CCDC18: variants seen among roughly 807,000 people sequenced by gnomAD.
CCDC18 encodes the protein coiled-coil domain-containing protein 18.
In CCDC18, 157 loss-of-function variants were observed where a neutral mutation model predicts 196.0. That is an observed-to-expected ratio of 0.80 (90% CI 0.70 to 0.91). The LOEUF is 0.91. CCDC18 is among the 40% of genes least tolerant of loss of function. The pLI, the probability that CCDC18 is intolerant of heterozygous loss-of-function variation, is 0.00. For synonymous variants in CCDC18, 482 were observed against 529.2 expected, an observed-to-expected ratio of 0.91 and a Z score of 1.22; for missense variants, 1,465 against 1,611.6, an observed-to-expected ratio of 0.91 and a Z score of 1.56.
chr1:93,201,700 T>C (rs1653863715), intron 6 of CCDC18, among the ~76,000 whole-genome samples, 192 bp from the exon 7 acceptor site: 1 of 151,848 alleles, frequency 6.6e-6, no homozygotes, highest in Non-Finnish European at 1.5e-5. Context: ...TTTTTCATAT[T>C]GATAGAGTGA....
intron 25 of CCDC18, among the ~76,000 whole-genome samples, chr1:93,257,311 C>T (rs1663146824): frequency 6.7e-6 from 1 of 148,492 alleles, no homozygotes; most frequent in Non-Finnish European, 1.5e-5. Context: ...TTTAGGAAAC[C>T]TGTAGTTCAA....
chr1:93,234,934 A>AGTGTGTGTGTGT (rs759186009), intron 18 of CCDC18, among the ~76,000 whole-genome samples: 2,583 of 67,738 alleles, frequency 0.038, 68 homozygotes, highest in South Asian at 0.079. Flanking sequence ...TGCCCAGCTA[A>AGTGTGTGTGTGT]GAGTGTGTGT....
In CCDC18 at chr1:93,207,330, T is replaced by C. The variant is rs767616812; in HGVS notation, c.1141T>C (p.Cys381Arg). 9.3e-6 allele frequency: 15 copies of C among 1,613,056 alleles called. No homozygotes were observed. The highest frequency in any genetic ancestry group is 1.3e-5 in the African/African-American group (1 of 74,886). The change falls in exon 9 of 29, where the codon TGT becomes CGT. Residue 381 changes from cysteine to arginine, a missense_variant. Cys to Arg is a radical substitution (Grantham distance 180). Coordinates refer to ENST00000690025, the MANE Select transcript of CCDC18 (RefSeq NM_001378204.1). ...AGCACAGAATGAGCGACTAGATTTATGTCAACAAGAAATTGAAAGTTCAAG... is the reference window on the plus strand; with the variant it reads ...AGCACAGAATGAGCGACTAGATTTACGTCAACAAGAAATTGAAAGTTCAAG... ...VAAQNERLDLCQQEIESSRVE... is the reference protein window; with the variant it reads ...VAAQNERLDLRQQEIESSRVE...
chr1:93,225,516 C>T (rs1205415976), intron 16 of CCDC18, among the ~76,000 whole-genome samples: 1 of 152,176 alleles, frequency 6.6e-6, no homozygotes, highest in Non-Finnish European at 1.5e-5. Context: ...GTGGCTCACA[C>T]CTGTAATCCC....
intron 1 of CCDC18, 126 bp downstream of exon 1, chr1:93,180,978 C>T (rs978003528): frequency 1.1e-5 from 10 of 927,214 alleles, no homozygotes; most frequent in African/African-American, 5.0e-5. Flanking sequence ...GACTGGTCCT[C>T]GTGGTTGCTG....
intron 27 of CCDC18, among the ~76,000 whole-genome samples, chr1:93,269,461 T>TAAAA (rs35716144): frequency 7.9e-6 from 1 of 126,588 alleles, no homozygotes; most frequent in African/African-American, 2.9e-5. Flanking sequence ...GATGAAGTAG[T>TAAAA]AAAAAAAAAA....
chr1:93,231,091 C>T (rs1446788489), intron 17 of CCDC18, among the ~76,000 whole-genome samples: 1 of 152,208 alleles, frequency 6.6e-6, no homozygotes, highest in African/African-American at 2.4e-5. Flanking sequence ...CAGAGCTTCT[C>T]ATAATGAGCA....
At chr1:93,184,271 C>A in intron 3 of CCDC18, 125 bp downstream of exon 3, 1 of 330,272 alleles carries the variant, frequency 3.0e-6, no homozygotes, top group Non-Finnish European at 5.3e-6. Context: ...ATACCTTATT[C>A]ATGGTTTCCA....
intron 11 of CCDC18, among the ~76,000 whole-genome samples, chr1:93,214,436 A>G (rs897981315): frequency 6.6e-6 from 1 of 152,208 alleles, no homozygotes; most frequent in African/African-American, 2.4e-5. Flanking sequence ...AATTTTTACA[A>G]TGATTTCTAT....
At chr1:93,208,584 C>T (rs1012813426) in intron 9 of CCDC18, among the ~76,000 whole-genome samples, 3 of 152,064 alleles carry the variant, frequency 2.0e-5, no homozygotes, top group African/African-American at 7.2e-5. Context: ...CGTGAGCCAC[C>T]ATGCCTGGCC....
chr1:93,207,444 G>A, intron 9 of CCDC18, 46 bp downstream of exon 9: 3 of 1,401,084 alleles, frequency 2.1e-6, no homozygotes, highest in Non-Finnish European at 2.9e-6. Context: ...TTTTACTAAA[G>A]TGTTTTAGAA....
At chr1:93,265,072 C>T (rs1664318284) in intron 27 of CCDC18, 171 bp downstream of exon 27, 9 of 553,188 alleles carry the variant, frequency 1.6e-5, no homozygotes, top group South Asian at 1.4e-4. Context: ...AGATGATGTA[C>T]ATCTTATTAC....
Position 93,246,343 on chromosome 1 carries a change from G to A in CCDC18, c.3081+139G>A, listed in dbSNP as rs1661494558. Reference sequence around the variant, plus strand: ...TCTGCACATAGGGTTTACTAAATTAGAGATATGTCATCTCTCTTTATCTTG... The same window carrying A: ...TCTGCACATAGGGTTTACTAAATTAAAGATATGTCATCTCTCTTTATCTTG... On this transcript the variant is annotated intron_variant, in intron 22 of 28. Transcript: ENST00000690025. The A allele has an allele frequency of 1.2e-5, 6 of 516,264 alleles. 1 individual carries two copies. In the Admixed American group the frequency reaches 1.5e-4, roughly 13 times the overall value. 32.0% of individuals were successfully genotyped at this position (516,264 alleles called of 1,614,324 possible).
chr1:93,210,757 A>T (rs555161), intron 9 of CCDC18, 45 bp from the exon 10 acceptor site: 2 of 1,440,556 alleles, frequency 1.4e-6, no homozygotes, highest in Admixed American at 2.1e-5. Flanking sequence ...AAGCAAATGC[A>T]TCTCATTTAC....
chr1:93,232,571 C>T lies in CCDC18; in HGVS notation c.2438C>T (p.Thr813Ile). Residue 813 changes from threonine (T) to isoleucine (I), a missense_variant, in exon 18 of 29, where the codon ACT becomes ATT. Coordinates refer to ENST00000690025, the MANE Select transcript of CCDC18 (RefSeq NM_001378204.1). ...ATTAGAAATGGAGAGCTAGAAGATA[C>T]TCAAACTAAACTTGAAAAACAGGTA... is the stretch of plus-strand genomic sequence containing the variant. ...ETIRNGELEDTQTKLEKQVSK... is the reference protein window; with the variant it reads ...ETIRNGELEDIQTKLEKQVSK... 2 of 1,604,194 alleles carry T rather than the reference C, an allele frequency of 1.2e-6. No homozygotes were observed. The highest frequency in any genetic ancestry group is 2.3e-5 in the South Asian group (2 of 88,770).
rs10874763 is a variant in CCDC18 at position 93,180,861 on chromosome 1, C to T, written c.-3+9C>T. The T allele has an allele frequency of 0.27, 372,941 of 1,365,632 alleles. 56,173 individuals are homozygous for T. Among genetic ancestry groups the T allele is most frequent in the Non-Finnish European group, 0.31 (315,265 of 1,021,742 alleles). The allele number at this position is 1,365,632 out of a possible 1,614,324, so 84.6% of individuals were successfully genotyped here. A position where few individuals can be genotyped will look rare whatever the true frequency, so the allele number is the denominator to read the frequency against. ...AAGCGCGCAGTCGCCGGGTGGGTCT[C>T]TCCCCAGCGACGATTTGGGTGGTGA... On this transcript the variant is annotated intron_variant, in intron 1 of 28. Transcript: ENST00000690025.
chr1:93,188,527 G>C (rs1229226782), intron 4 of CCDC18, among the ~76,000 whole-genome samples: 1 of 152,170 alleles, frequency 6.6e-6, no homozygotes, highest in Non-Finnish European at 1.5e-5. Flanking sequence ...TTAAATTCCA[G>C]TTTGAAAATT....
At chr1:93,213,755 C>T (rs1656053738) in intron 11 of CCDC18, among the ~76,000 whole-genome samples, 1 of 151,952 alleles carries the variant, frequency 6.6e-6, no homozygotes, top group African/African-American at 2.4e-5. Context: ...TATTGTCCAG[C>T]GTATGATCTA....
intron 16 of CCDC18, among the ~76,000 whole-genome samples, chr1:93,222,242 C>G (rs1447743395): frequency 6.6e-6 from 1 of 151,914 alleles, no homozygotes; most frequent in Non-Finnish European, 1.5e-5. Flanking sequence ...TGATCTGACT[C>G]AATGAACTTA....
Sources: gnomAD v4.1 joint callset for allele counts (sites outside exome capture counted in the v4.1 genomes callset) on GRCh38, gnomAD v4.1.1 for gene constraint, MANE v1.5 for transcripts, NCBI Gene and HGNC (gene_info 2026-07-23, HGNC 2026-07-21) for gene names.